The following LPP variants were observed in gnomAD, a reference collection of about 807,000 sequenced individuals.
The protein encoded by LPP is lipoma-preferred partner.
In LPP, 38 loss-of-function variants were observed where a neutral mutation model predicts 60.4. That is an observed-to-expected ratio of 0.63 (90% CI 0.49 to 0.83). The LOEUF (loss-of-function observed/expected upper bound fraction) is 0.83, where lower values mean the gene tolerates loss of function less well. Ranked by LOEUF, LPP falls within the 40% of genes least tolerant of loss-of-function variation. The probability of loss-of-function intolerance (pLI) is 0.00; values close to 1 mark genes in which losing one functional copy is unlikely to be tolerated. For missense variants in LPP, 902 were observed against 783.6 expected (o/e 1.15, Z -1.80); for synonymous variants, 328 against 290.8 (o/e 1.13, Z -1.30).
intron 5 of LPP, among the ~76,000 whole-genome samples, chr3:188,485,188 T>C (rs956852912): frequency 6.6e-6 from 1 of 152,170 alleles, no homozygotes; most frequent in Non-Finnish European, 1.5e-5. Flanking sequence ...GGATTTTCTC[T>C]TCTGGGTAAG....
At chr3:188,222,629 A>AT (rs561793908) in intron 1 of LPP, among the ~76,000 whole-genome samples, 1,616 of 149,896 alleles carry the variant, frequency 0.011, 29 homozygotes, top group African/African-American at 0.033. Context: ...CACATTGTTG[A>AT]TTTTTTTTTT....
intron 5 of LPP, among the ~76,000 whole-genome samples, chr3:188,501,127 C>T (rs1811708383): frequency 6.6e-6 from 1 of 152,056 alleles, no homozygotes; most frequent in African/African-American, 2.4e-5. Context: ...CCAAGTTTCA[C>T]AATCTGTAGA....
At chr3:188,408,931 C>T (rs950769184) in intron 4 of LPP, among the ~76,000 whole-genome samples, 3 of 152,140 alleles carry the variant, frequency 2.0e-5, no homozygotes, top group Non-Finnish European at 4.4e-5. Flanking sequence ...TACATCCCTG[C>T]ATCCCTTATA....
intron 7 of LPP, among the ~76,000 whole-genome samples, chr3:188,696,545 C>T (rs1863278794): frequency 6.6e-6 from 1 of 152,136 alleles, no homozygotes; most frequent in African/African-American, 2.4e-5. Flanking sequence ...GATTATGCCA[C>T]TGCTCTCCAG....
chr3:188,207,732 G>A (rs139853500), intron 1 of LPP, among the ~76,000 whole-genome samples: 1 of 150,410 alleles, frequency 6.6e-6, no homozygotes, highest in Non-Finnish European at 1.5e-5. Context: ...TGGGACCATA[G>A]ACATATGCCA....
intron 6 of LPP, among the ~76,000 whole-genome samples, chr3:188,585,601 G>T (rs989326551): frequency 4.6e-5 from 7 of 152,198 alleles, no homozygotes; most frequent in African/African-American, 1.7e-4. Context: ...CTAAAGCTTA[G>T]ACATACATAC....
At chr3:188,584,336 G>C (rs1431069779) in intron 6 of LPP, 1 of 152,096 alleles carries the variant, frequency 6.6e-6, no homozygotes, top group East Asian at 1.9e-4. Flanking sequence ...TGCAGGAAAA[G>C]TAATACTGTC....
intron 4 of LPP, among the ~76,000 whole-genome samples, chr3:188,481,799 T>C (rs1359808446): frequency 6.6e-6 from 1 of 152,188 alleles, no homozygotes; most frequent in Non-Finnish European, 1.5e-5. Flanking sequence ...TCTCCAAGAT[T>C]TTGTTCAGTT....
chr3:188,696,689 G>T (rs1560079085), intron 7 of LPP, among the ~76,000 whole-genome samples: 1 of 152,152 alleles, frequency 6.6e-6, no homozygotes, highest in Non-Finnish European at 1.5e-5. Context: ...CATACAATTG[G>T]TAAGCTGTGG....
intron 3 of LPP, among the ~76,000 whole-genome samples, chr3:188,351,913 A>T (rs889646143): frequency 1.3e-5 from 2 of 152,132 alleles, no homozygotes; most frequent in African/African-American, 2.4e-5. Flanking sequence ...CCACACATAC[A>T]TCTGAGTCTT....
chr3:188,603,862 A>G (rs1167294643), intron 6 of LPP, among the ~76,000 whole-genome samples: 1 of 152,212 alleles, frequency 6.6e-6, no homozygotes, highest in Non-Finnish European at 1.5e-5. Flanking sequence ...CCTTGGCCAT[A>G]TGAAAATATC....
intron 2 of LPP, among the ~76,000 whole-genome samples, chr3:188,266,410 T>C (rs1429585738): frequency 1.3e-5 from 2 of 151,956 alleles, no homozygotes; most frequent in Non-Finnish European, 2.9e-5. Context: ...CAGGAGACTG[T>C]CGCTTCCCTT....
intron 8 of LPP, among the ~76,000 whole-genome samples, chr3:188,745,312 T>G (rs1376534190): frequency 6.6e-6 from 1 of 152,206 alleles, no homozygotes; most frequent in Non-Finnish European, 1.5e-5. Flanking sequence ...TTTTAATGTT[T>G]ATGCCCTACA....
At chr3:188,243,338 A>G (rs2149487435) in intron 2 of LPP, among the ~76,000 whole-genome samples, 1 of 152,238 alleles carries the variant, frequency 6.6e-6, no homozygotes, top group South Asian at 2.1e-4. Flanking sequence ...CATAAAGGAA[A>G]TCTTCAGGAT....
chr3:188,757,992 A>G (rs188624824), intron 8 of LPP, among the ~76,000 whole-genome samples: 159 of 150,586 alleles, frequency 1.1e-3, no homozygotes, highest in African/African-American at 3.8e-3. Flanking sequence ...TCATAATAAA[A>G]ACAGGTACAA....
chr3:188,723,125 T>C (rs1178748953), intron 8 of LPP, among the ~76,000 whole-genome samples: 2 of 152,160 alleles, frequency 1.3e-5, no homozygotes, highest in Non-Finnish European at 2.9e-5. Flanking sequence ...GAAGAACTAA[T>C]TGAAAAGAGA....
chr3:188,791,259 T>G (rs1301622210), intron 9 of LPP, among the ~76,000 whole-genome samples: 1 of 152,144 alleles, frequency 6.6e-6, no homozygotes, highest in Admixed American at 6.5e-5. Flanking sequence ...GCCACCTACA[T>G]TTCTATGCTT....
intron 8 of LPP, among the ~76,000 whole-genome samples, chr3:188,729,496 T>C (rs917136771): frequency 3.9e-5 from 6 of 152,164 alleles, no homozygotes; most frequent in African/African-American, 1.4e-4. Context: ...TAGGGAATAA[T>C]GGGGCTGGAA....
chr3:188,242,777 G>A (rs554130395), intron 2 of LPP, among the ~76,000 whole-genome samples: 9 of 152,304 alleles, frequency 5.9e-5, no homozygotes, highest in Admixed American at 6.5e-5. Context: ...GTGAAAATTA[G>A]CAAACATTTC....
Sources: allele counts gnomAD v4.1 joint callset (sites outside exome capture counted in the v4.1 genomes callset), GRCh38; gene constraint gnomAD v4.1.1; transcripts MANE v1.5; gene names NCBI Gene and HGNC (gene_info 2026-07-23, HGNC 2026-07-21).